The following TSHZ1 variants were observed in gnomAD, a reference collection of about 807,000 sequenced individuals.
TSHZ1 encodes teashirt homolog 1.
TSHZ1 carries 12 observed loss-of-function variants against 67.1 expected under a neutral mutation model. The ratio of observed to expected loss-of-function variants is 0.18; its 90% CI spans 0.11 to 0.29. The LOEUF is 0.29. Ranked by LOEUF, TSHZ1 falls within the 10% of genes least tolerant of loss-of-function variation. The pLI, the probability that TSHZ1 is intolerant of heterozygous loss-of-function variation, is 1.00. For missense variants in TSHZ1, 1,305 were observed against 1,413.9 expected, an observed-to-expected ratio of 0.92 and a Z score of 1.23; for synonymous variants, 632 against 622.4, an observed-to-expected ratio of 1.02 and a Z score of -0.23.
chr18:75,246,384 TG>T (rs1165226520), intron 1 of TSHZ1, among the ~76,000 whole-genome samples: 1 of 109,666 alleles, frequency 9.1e-6, no homozygotes, highest in African/African-American at 3.3e-5. Context: ...CAACCTCTGA[TG>T]GGGTGTTTTT....
At chr18:75,251,007 G>C (rs2023296463) in intron 1 of TSHZ1, among the ~76,000 whole-genome samples, 2 of 152,190 alleles carry the variant, frequency 1.3e-5, no homozygotes, top group African/African-American at 4.8e-5. Context: ...CCCATGCACA[G>C]GAGTTATTTA....
In TSHZ1 at chr18:75,288,684, C is replaced by T. The variant is rs370671111; in HGVS notation, c.*43C>T. On this transcript the variant is annotated 3_prime_UTR_variant, in exon 2 of 2. Coordinates refer to ENST00000580243, the MANE Select transcript of TSHZ1 (RefSeq NM_001308210.2). The surrounding 1 kb of genome is among the most constrained non-coding windows in gnomAD (Gnocchi z 4.9). ...GACCGCGGAACATTGCACTAAACGT[C>T]GTCGAGCTGCACTAGGCCTGGCCTG... is the stretch of plus-strand genomic sequence containing the variant. 1.6e-5 allele frequency: 24 copies of T among 1,531,668 alleles called. No individual in the cohort carries two copies. Among genetic ancestry groups the T allele is most frequent in the East Asian group, 2.3e-5 (1 of 44,212 alleles). The allele number at this position is 1,531,668 out of a possible 1,614,324, so 94.9% of individuals were successfully genotyped here. A position where few individuals can be genotyped will look rare whatever the true frequency, so the allele number is the denominator to read the frequency against.
rs75243027 is a variant in TSHZ1, at chr18:75,289,853, A to G, written c.*1212A>G. 7.4e-3 allele frequency: 1,234 copies of G among 167,232 alleles called. 19 individuals are homozygous for G. Among genetic ancestry groups the G allele is most frequent in the African/African-American group, 0.027 (1,138 of 41,584 alleles). The allele number at this position is 167,232 out of a possible 1,614,324, so 10.4% of individuals were successfully genotyped here. ...TATTAATTATACATTTTGATGTTCT[A>G]TCATTAATATTGTACAGTACATTTT... On this transcript the variant is annotated 3_prime_UTR_variant, in exon 2 of 2. Coordinates refer to ENST00000580243, the MANE Select transcript of TSHZ1 (RefSeq NM_001308210.2).
At chr18:75,252,758 T>C (rs1169649986) in intron 1 of TSHZ1, among the ~76,000 whole-genome samples, 1 of 152,172 alleles carries the variant, frequency 6.6e-6, no homozygotes, top group Admixed American at 6.5e-5. Flanking sequence ...TATTTGCGAT[T>C]GTCTTTCAAA....
At position 75,263,930 on chromosome 18, in the gene TSHZ1, A is replaced by G. The variant is rs147882351; in HGVS notation, c.41-21518A>G. Among the ~76,000 whole-genome samples the G allele has an allele frequency of 1.5e-3, 221 of 152,356 alleles. 1 individual carries two copies. In the Middle Eastern group the frequency reaches 0.031, roughly 21 times the overall value. On this transcript the variant is annotated intron_variant, in intron 1 of 1. Transcript: ENST00000580243. Reference sequence around the variant, plus strand: ...CAGGCATCTAAGATGCTTTTCAGCTATAATTGTGTCTTTGCTCAAGGCTAC... The same window carrying G: ...CAGGCATCTAAGATGCTTTTCAGCTGTAATTGTGTCTTTGCTCAAGGCTAC...
chr18:75,268,552 C>G (rs2023519555), intron 1 of TSHZ1, among the ~76,000 whole-genome samples: 1 of 152,136 alleles, frequency 6.6e-6, no homozygotes, highest in Non-Finnish European at 1.5e-5. Context: ...AGCGCAGCTT[C>G]CCCGTGTCGG....
chr18:75,237,660 ATTTGTAG>A (rs1340932007), intron 1 of TSHZ1, among the ~76,000 whole-genome samples: 7 of 152,096 alleles, frequency 4.6e-5, no homozygotes, highest in African/African-American at 1.7e-4. Flanking sequence ...GACTGCAAGT[ATTTGTAG>A]GAGAGGCTGA....
chr18:75,267,345 G>A (rs1013899455), intron 1 of TSHZ1, among the ~76,000 whole-genome samples: 7 of 152,222 alleles, frequency 4.6e-5, no homozygotes, highest in South Asian at 2.1e-4. Context: ...CCCATAGACC[G>A]TGGAGTCAGG....
intron 1 of TSHZ1, among the ~76,000 whole-genome samples, chr18:75,249,282 C>T (rs928023497): frequency 2.6e-5 from 4 of 152,168 alleles, no homozygotes; most frequent in African/African-American, 9.7e-5. Context: ...CTGGGTGCCT[C>T]GCCTGCCCCC....
intron 1 of TSHZ1, among the ~76,000 whole-genome samples, chr18:75,264,055 G>C (rs915505006): frequency 1.4e-4 from 21 of 152,142 alleles, no homozygotes; most frequent in African/African-American, 5.1e-4. Flanking sequence ...TATCCTTTAT[G>C]TTTTTTCTCT....
chr18:75,238,587 G>C (rs2023112442), intron 1 of TSHZ1, among the ~76,000 whole-genome samples: 1 of 151,956 alleles, frequency 6.6e-6, no homozygotes, highest in Non-Finnish European at 1.5e-5. Context: ...CTCAGTAAAG[G>C]CATCAGGATG....
At position 75,286,492 on chromosome 18, in the gene TSHZ1, C is replaced by T. The variant is rs764835885; in HGVS notation, c.1085C>T (p.Pro362Leu). 2 of 1,614,212 alleles carry T rather than the reference C, an allele frequency of 1.2e-6. No homozygotes were observed. Among genetic ancestry groups the T allele is most frequent in the Non-Finnish European group, 1.7e-6 (2 of 1,180,050 alleles). The change falls in exon 2 of 2, where the codon CCC becomes CTC. Residue 362 changes from proline (P) to leucine (L), a missense_variant. This residue lies in a region of TSHZ1 where 909 missense variants were observed against 961.8 expected (regional missense o/e 0.95). Coordinates refer to ENST00000580243, the MANE Select transcript of TSHZ1 (RefSeq NM_001308210.2). This position sits in a 1 kb window ranked among gnomAD's most constrained non-coding sequence, Gnocchi z 5.1. ...KKRALQDLAP[P>L]CSPEPAGMAA... ...CGGGCGCTTCAGGACCTGGCGCCCC[C>T]CTGCTCCCCTGAGCCAGCAGGAATG... is the stretch of plus-strand genomic sequence containing the variant.
intron 1 of TSHZ1, among the ~76,000 whole-genome samples, chr18:75,224,119 C>A (rs1387507765): frequency 1.3e-5 from 2 of 148,216 alleles, no homozygotes; most frequent in Non-Finnish European, 3.0e-5. Context: ...AGGGAAAATA[C>A]CCCAAAACAA....
At chr18:75,277,706 G>A (rs1254915463) in intron 1 of TSHZ1, among the ~76,000 whole-genome samples, 2 of 152,112 alleles carry the variant, frequency 1.3e-5, no homozygotes, top group African/African-American at 2.4e-5. Context: ...CCTCCTAAAG[G>A]CCCTACCTCC....
intron 1 of TSHZ1, chr18:75,284,159 C>G (rs1481634310): frequency 4.6e-5 from 7 of 152,614 alleles, no homozygotes. Flanking sequence ...AGTAGTCTCC[C>G]CTTGGGAGTT....
In TSHZ1 at chr18:75,211,748, C is replaced by T; in HGVS notation, c.-129C>T. On this transcript the variant is annotated 5_prime_UTR_variant, in exon 1 of 2. Transcript: ENST00000580243. ...CCCGCGGTCCGCGGCGCGCCCGGAG[C>T]CCGGAGCCCGCGGGGACGAGGCCAA... 4.4e-6 allele frequency: 2 copies of T among 455,708 alleles called. No homozygotes were observed. The highest frequency in any genetic ancestry group is 5.7e-6 in the Non-Finnish European group (2 of 348,284). 28.2% of individuals were successfully genotyped at this position (455,708 alleles called of 1,614,324 possible).
At chr18:75,269,729 C>T (rs772445710) in intron 1 of TSHZ1, among the ~76,000 whole-genome samples, 1 of 152,200 alleles carries the variant, frequency 6.6e-6, no homozygotes, top group African/African-American at 2.4e-5. Context: ...GTGTAGCCAT[C>T]ACCACCCCAT....
chr18:75,278,380 G>A (rs933072671), intron 1 of TSHZ1, among the ~76,000 whole-genome samples: 79 of 152,314 alleles, frequency 5.2e-4, no homozygotes, highest in African/African-American at 1.8e-3. Context: ...GGTTGCTCCT[G>A]TTTGGAGGCA....
intron 1 of TSHZ1, among the ~76,000 whole-genome samples, chr18:75,250,142 TG>T (rs1175426556): frequency 7.6e-6 from 1 of 131,114 alleles, no homozygotes; most frequent in Non-Finnish European, 1.7e-5. Context: ...CTGCAGTAGG[TG>T]GGGGGTGACT....
Sources: gnomAD v4.1 joint callset for allele counts (sites outside exome capture counted in the v4.1 genomes callset) on GRCh38, gnomAD v4.1.1 for gene constraint, gnomAD v4.1.1 regional missense constraint, Gnocchi (gnomAD v3.1) non-coding constraint, MANE v1.5 for transcripts, NCBI Gene and HGNC (gene_info 2026-07-23, HGNC 2026-07-21) for gene names.